Variants in PPARGC1B observed in about 807,000 individuals in gnomAD.
The protein encoded by PPARGC1B is peroxisome proliferator-activated receptor gamma coactivator 1-beta.
Under a neutral mutation model 101.6 loss-of-function variants are expected in PPARGC1B, and 34 were observed. The observed-to-expected ratio is 0.33, with a 90% CI of 0.25 to 0.45. The LOEUF is 0.45. Among genes scored for constraint, PPARGC1B ranks in the 20% least tolerant of loss-of-function variants. The probability of loss-of-function intolerance (pLI) is 1.00; values close to 1 mark genes in which losing one functional copy is unlikely to be tolerated. For synonymous variants in PPARGC1B, 548 were observed against 539.3 expected (o/e 1.02, Z -0.22); for missense variants, 1,234 against 1,317.6 (o/e 0.94, Z 0.98).
chr5:149,790,874 G>C (rs764788981), intron 1 of PPARGC1B, among the ~76,000 whole-genome samples: 13 of 151,982 alleles, frequency 8.6e-5, no homozygotes, highest in Non-Finnish European at 1.6e-4. Context: ...TAGGTTCCTG[G>C]GTCCCTGCCA....
intron 3 of PPARGC1B, among the ~76,000 whole-genome samples, chr5:149,828,633 T>C (rs776642569): frequency 5.9e-5 from 9 of 152,208 alleles, no homozygotes; most frequent in Non-Finnish European, 1.2e-4. Context: ...TTCCCTCCCA[T>C]GCCTTAGATT....
chr5:149,778,012 C>CT (rs1416091784), intron 1 of PPARGC1B, among the ~76,000 whole-genome samples: 4 of 67,636 alleles, frequency 5.9e-5, no homozygotes, highest in African/African-American at 6.0e-5. Context: ...TTCCCCCCCC[C>CT]ACAGACACAC....
At chr5:149,756,671 G>T (rs548047432) in intron 1 of PPARGC1B, among the ~76,000 whole-genome samples, 155 of 152,204 alleles carry the variant, frequency 1.0e-3, no homozygotes, top group Middle Eastern at 3.4e-3. Flanking sequence ...AGATTTGAGG[G>T]TTTTTCCTGC....
chr5:149,796,656 G>T (rs1757227140), intron 1 of PPARGC1B, among the ~76,000 whole-genome samples: 1 of 152,168 alleles, frequency 6.6e-6, no homozygotes, highest in South Asian at 2.1e-4. Flanking sequence ...AGCAGAGAGA[G>T]AGAGATGAGA....
At position 149,777,784 on chromosome 5, in the gene PPARGC1B, A is replaced by AACACACACACACAC. The variant is rs4039101; in HGVS notation, c.79-42619_79-42606dup. 2.0e-3 allele frequency among the ~76,000 whole-genome samples: 186 copies of AACACACACACACAC among 91,052 alleles called. 12 individuals carry two copies. Among genetic ancestry groups the AACACACACACACAC allele is most frequent in the African/African-American group, 4.6e-3 (92 of 20,112 alleles). The allele number at this position is 91,052 out of a possible 152,430, so 59.7% of individuals were successfully genotyped here. On this transcript the variant is annotated intron_variant, in intron 1 of 11. Coordinates refer to ENST00000309241, the MANE Select transcript of PPARGC1B (RefSeq NM_133263.4). ...GTAGAGATTTAAAAACTGTCTTTGT[A>AACACACACACACAC]ACACACACACACACACACACACACA...
intron 1 of PPARGC1B, among the ~76,000 whole-genome samples, chr5:149,819,711 C>G (rs1222511804): frequency 3.3e-5 from 5 of 152,196 alleles, no homozygotes; most frequent in Non-Finnish European, 5.9e-5. Flanking sequence ...CCATGTTGGC[C>G]AGGCTGGTCT....
In PPARGC1B at chr5:149,850,456, G is replaced by A. The variant is rs557309598; in HGVS notation, c.*2898G>A. The A allele has an allele frequency of 1.3e-5, 2 of 152,320 alleles. No homozygotes were observed. Among genetic ancestry groups the A allele is most frequent in the South Asian group, 4.1e-4 (2 of 4,828 alleles). The allele number at this position is 152,320 out of a possible 1,614,324, so 9.4% of individuals were successfully genotyped here. On this transcript the variant is annotated 3_prime_UTR_variant, in exon 12 of 12. Transcript: ENST00000309241. ...GGGGACGCTGCCTGCCAAGGGCATC[G>A]AGTAGTCTCTACTTGCTATCCCGTA...
intron 10 of PPARGC1B, among the ~76,000 whole-genome samples, chr5:149,844,075 A>G (rs1401828697): frequency 6.6e-6 from 1 of 152,260 alleles, no homozygotes; most frequent in Non-Finnish European, 1.5e-5. Flanking sequence ...TTGCACAGCA[A>G]TATGAGTATA....
chr5:149,817,540 C>T, intron 1 of PPARGC1B: 1 of 344,956 alleles, frequency 2.9e-6, no homozygotes, highest in East Asian at 7.6e-5. Context: ...ATCAGTGCAC[C>T]TTGTTTGTTT....
At chr5:149,857,314 A>G (rs1759981303), downstream of PPARGC1B, among the ~76,000 whole-genome samples, 1 of 152,238 alleles carries the variant, frequency 6.6e-6, no homozygotes, top group Non-Finnish European at 1.5e-5. Context: ...TGCTAACCAT[A>G]GTCCTCTGAG....
At chr5:149,813,272 T>C (rs1483090566) in intron 1 of PPARGC1B, among the ~76,000 whole-genome samples, 1 of 152,154 alleles carries the variant, frequency 6.6e-6, no homozygotes, top group Non-Finnish European at 1.5e-5. Context: ...GATCATCAAA[T>C]ACAACTTCTT....
At chr5:149,741,048 G>A (rs1580999523) in intron 1 of PPARGC1B, among the ~76,000 whole-genome samples, 2 of 152,140 alleles carry the variant, frequency 1.3e-5, no homozygotes, top group African/African-American at 4.8e-5. Flanking sequence ...CTGCTTGGCC[G>A]GGCTGGCTCT....
chr5:149,755,998 G>T (rs1403786353), intron 1 of PPARGC1B, among the ~76,000 whole-genome samples: 1 of 152,132 alleles, frequency 6.6e-6, no homozygotes, highest in African/African-American at 2.4e-5. Context: ...CAGCAGTCAG[G>T]GTTCAAGACC....
intron 1 of PPARGC1B, among the ~76,000 whole-genome samples, chr5:149,731,926 C>T (rs925651672): frequency 3.3e-5 from 5 of 152,188 alleles, no homozygotes; most frequent in African/African-American, 1.2e-4. Context: ...GCCGCGGGGC[C>T]GCGTGGTCGG....
At position 149,808,343 on chromosome 5, in the gene PPARGC1B, C is replaced by T. The variant is rs535648410; in HGVS notation, c.79-12090C>T. Among the ~76,000 whole-genome samples the T allele has an allele frequency of 3.3e-5, 5 of 152,266 alleles. No homozygotes were observed. In the East Asian group the frequency reaches 5.8e-4, roughly 18 times the overall value. ...CCTTCAGGTCCCCAGGCCCTGGGGT[C>T]CTTGGATGCCAGGGCCTTTCACTCC... is the stretch of plus-strand genomic sequence containing the variant. On this transcript the variant is annotated intron_variant, in intron 1 of 11. Coordinates refer to ENST00000309241, the MANE Select transcript of PPARGC1B (RefSeq NM_133263.4).
Position 149,833,893 on chromosome 5 carries a change from A to G in PPARGC1B, c.1705+115A>G, listed in dbSNP as rs32576. ...TCCCCGTCCCCCAACAAAGTGTTAT[A>G]TGGGTTTGGACAAGTCCCTTCCCCT... On this transcript the variant is annotated intron_variant, in intron 5 of 11. Transcript: ENST00000309241. The surrounding 1 kb of genome is among the most constrained non-coding windows in gnomAD (Gnocchi z 4.1). The G allele has an allele frequency of 0.24, 329,514 of 1,397,596 alleles. 41,976 individuals are homozygous for G. Among genetic ancestry groups the G allele is most frequent in the African/African-American group, 0.44 (30,612 of 69,122 alleles). The allele number at this position is 1,397,596 out of a possible 1,614,324, so 86.6% of individuals were successfully genotyped here.
At chr5:149,754,318 C>T (rs1237208636) in intron 1 of PPARGC1B, among the ~76,000 whole-genome samples, 2 of 152,122 alleles carry the variant, frequency 1.3e-5, no homozygotes, top group Admixed American at 6.5e-5. Context: ...TGCGTGCCCC[C>T]CTCCCCTGGC....
At chr5:149,772,651 G>A (rs1238445967) in intron 1 of PPARGC1B, among the ~76,000 whole-genome samples, 1 of 152,130 alleles carries the variant, frequency 6.6e-6, no homozygotes. Context: ...TCTTATAAGG[G>A]CACCAGTCAT....
rs749477566 is a variant in PPARGC1B at position 149,848,668 on chromosome 5, G to A, written c.*1110G>A. 2 of 152,186 alleles carry A rather than the reference G, an allele frequency of 1.3e-5. No homozygotes were observed. Among genetic ancestry groups the A allele is most frequent in the Non-Finnish European group, 2.9e-5 (2 of 68,074 alleles). 9.4% of individuals were successfully genotyped at this position (152,186 alleles called of 1,614,324 possible). ...CAGCTTTGATCCTGAGTGGTCCTGC[G>A]GTTTGTCTGTGCCTGTGGACACACT... On this transcript the variant is annotated 3_prime_UTR_variant, in exon 12 of 12. Transcript: ENST00000309241.
Sources: gnomAD v4.1 joint callset for allele counts (sites outside exome capture counted in the v4.1 genomes callset) on GRCh38, gnomAD v4.1.1 for gene constraint, Gnocchi (gnomAD v3.1) non-coding constraint, MANE v1.5 for transcripts, NCBI Gene and HGNC (gene_info 2026-07-23, HGNC 2026-07-21) for gene names.